The following RIF1 variants were observed in gnomAD, a reference collection of about 807,000 sequenced individuals.
RIF1 encodes telomere-associated protein RIF1.
In RIF1, 45 loss-of-function variants were observed where a neutral mutation model predicts 247.1. The observed-to-expected ratio is 0.18, with a 90% CI of 0.14 to 0.23. RIF1 has a LOEUF of 0.23. Ranked by LOEUF, RIF1 falls within the 10% of genes least tolerant of loss-of-function variation. The pLI, the probability that RIF1 is intolerant of heterozygous loss-of-function variation, is 1.00. For missense variants in RIF1, 2,967 were observed against 2,862.5 expected, an observed-to-expected ratio of 1.04 and a Z score of -0.83; for synonymous variants, 1,087 against 978.8, an observed-to-expected ratio of 1.11 and a Z score of -2.06.
chr2:151,502,075 C>G (rs2065066078), intron 11 of RIF1, among the ~76,000 whole-genome samples: 2 of 152,132 alleles, frequency 1.3e-5, no homozygotes, highest in Non-Finnish European at 2.9e-5. Flanking sequence ...CCAGTGACCT[C>G]TAATGAGATT....
the RIF1 span, among the ~76,000 whole-genome samples, chr2:151,526,471 G>A: frequency 2.2e-4 from 33 of 152,284 alleles, no homozygotes; most frequent in Non-Finnish European, 4.7e-4. Flanking sequence ...TGGATCTCGT[G>A]ATGAATCTTT....
At position 151,436,862 on chromosome 2, in the gene RIF1, C is replaced by T. The variant is rs867745840; in HGVS notation, c.1231C>T (p.Arg411Ter). 1.9e-6 allele frequency: 3 copies of T among 1,612,122 alleles called. No individual in the cohort carries two copies. Among genetic ancestry groups the T allele is most frequent in the Non-Finnish European group, 2.5e-6 (3 of 1,179,234 alleles). Reference protein sequence around the residue: ...SSPYGAPGTPRMNLSSNLGGM... With the variant: ...SSPYGAPGTP Reference sequence around the variant, plus strand: ...CCCGTACGGAGCCCCGGGAACTCCCCGAATGAACCTGAGTTCGAATTTAGG... The same window carrying T: ...CCCGTACGGAGCCCCGGGAACTCCCTGAATGAACCTGAGTTCGAATTTAGG... Residue 411 changes from arginine (R) to a stop codon, truncating the protein, a stop_gained, in exon 12 of 36, where the codon CGA (arginine) becomes TGA (stop). Coordinates refer to ENST00000444746, the MANE Select transcript of RIF1 (RefSeq NM_018151.5). LOFTEE classifies it high-confidence loss of function.
downstream of RIF1, among the ~76,000 whole-genome samples, chr2:151,482,588 C>T (rs982387331): frequency 5.3e-5 from 8 of 152,056 alleles, no homozygotes; most frequent in Non-Finnish European, 8.8e-5. Context: ...AAATGCCTCA[C>T]CCCAACATGA....
chr2:151,415,313 C>T (rs943087110), intron 4 of RIF1, among the ~76,000 whole-genome samples: 6 of 147,766 alleles, frequency 4.1e-5, no homozygotes, highest in Non-Finnish European at 4.5e-5. Context: ...TGCCATTGTA[C>T]TCTAACCTGG....
downstream of RIF1, chr2:151,486,227 TA>T (rs2050250680): frequency 3.5e-6 from 1 of 289,474 alleles, no homozygotes; most frequent in Admixed American, 4.8e-5. Flanking sequence ...GATAGACAAA[TA>T]GCCAAAAAGC....
At chr2:151,462,135 A>T in intron 27 of RIF1, 107 bp from the exon 28 acceptor site, 1 of 635,396 alleles carries the variant, frequency 1.6e-6, no homozygotes, top group East Asian at 3.2e-5. Context: ...AACCTCCCAA[A>T]GTGCTGGGAT....
At position 151,467,214 on chromosome 2, in the gene RIF1, C is replaced by T. The variant is rs141082007; in HGVS notation, c.6601-786C>T. 1.7e-3 allele frequency among the ~76,000 whole-genome samples: 256 copies of T among 151,796 alleles called. 1 individual carries two copies. The highest frequency in any genetic ancestry group is 5.9e-3 in the African/African-American group (245 of 41,418). ...ACTGCACTCCAGCCTGGCGACAGAG[C>T]GAGACTCTCAAAAAAAGAAAAAAAA... On this transcript the variant is annotated intron_variant, in intron 30 of 35. Coordinates refer to ENST00000444746, the MANE Select transcript of RIF1 (RefSeq NM_018151.5).
chr2:151,511,387 T>C (rs4384787), downstream of RIF1, among the ~76,000 whole-genome samples: 5 of 152,340 alleles, frequency 3.3e-5, no homozygotes, highest in South Asian at 8.3e-4. Context: ...TTTTACAATA[T>C]ACAACTATAT....
At chr2:151,527,393 T>C in the RIF1 span, 1 of 1,087,484 alleles carries the variant, frequency 9.2e-7, no homozygotes, top group Non-Finnish European at 1.3e-6. Flanking sequence ...GGGTTAACAC[T>C]CATGATAGTG....
At chr2:151,448,088 C>T (rs1416039372) in intron 20 of RIF1, among the ~76,000 whole-genome samples, 2 of 151,334 alleles carry the variant, frequency 1.3e-5, no homozygotes, top group East Asian at 1.9e-4. Context: ...GATTGTTGGA[C>T]GACAACCCAG....
intron 30 of RIF1, among the ~76,000 whole-genome samples, chr2:151,467,736 T>C (rs757365545): frequency 9.2e-5 from 14 of 152,180 alleles, no homozygotes; most frequent in Non-Finnish European, 1.6e-4. Flanking sequence ...ACATCTGGCT[T>C]CGTTAAGTTT....
At chr2:151,422,271 T>C (rs899462967) in intron 7 of RIF1, among the ~76,000 whole-genome samples, 1 of 152,108 alleles carries the variant, frequency 6.6e-6, no homozygotes, top group African/African-American at 2.4e-5. Flanking sequence ...TGTGAAAAAA[T>C]ACAGTGTCAT....
intron 10 of RIF1, chr2:151,499,257 A>AT: frequency 9.2e-7 from 1 of 1,088,756 alleles, no homozygotes; most frequent in Non-Finnish European, 1.3e-6. Context: ...CTTTTTAAAC[A>AT]TTTTTTTAAA....
In RIF1 at chr2:151,458,885, A is replaced by T. The variant is rs201634772; in HGVS notation, c.2930A>T (p.Glu977Val). 6.5e-5 allele frequency: 105 copies of T among 1,609,986 alleles called. No individual in the cohort carries two copies. The East Asian group carries it at 2.3e-3, about 36-fold the overall frequency. The change falls in exon 25 of 36, where the codon GAA becomes GTA. Residue 977 changes from glutamate to valine, a missense_variant. Glu to Val is a moderately radical substitution (Grantham distance 121). This residue lies in a region of RIF1 where 2,028 missense variants were observed against 1,825.6 expected (regional missense o/e 1.11). Transcript: ENST00000444746. ...TTGGAAACTGTTGAAATGATGGAGG[A>T]ATCCAGTGGACCATATTCTGATGGA... The part of the protein sequence containing the change: ...PGLETVEMME[E>V]SSGPYSDGTE...
In RIF1 at chr2:151,476,359, A is replaced by G. The variant is rs1046065525; in HGVS notation, c.*1288A>G. On this transcript the variant is annotated 3_prime_UTR_variant, in exon 36 of 36. Coordinates refer to ENST00000444746, the MANE Select transcript of RIF1 (RefSeq NM_018151.5). ...ATTAAAACCTTTGTAAAATTTGCCAACTAATATTAGTGCCTGACTTCCCAT... is the reference window on the plus strand; with the variant it reads ...ATTAAAACCTTTGTAAAATTTGCCAGCTAATATTAGTGCCTGACTTCCCAT... 1.3e-5 allele frequency: 2 copies of G among 152,164 alleles called. No individual in the cohort carries two copies. The highest frequency in any genetic ancestry group is 2.9e-5 in the Non-Finnish European group (2 of 68,010). 9.4% of individuals were successfully genotyped at this position (152,164 alleles called of 1,614,324 possible).
the RIF1 span, among the ~76,000 whole-genome samples, chr2:151,532,975 G>T: frequency 1.3e-5 from 2 of 152,028 alleles, no homozygotes; most frequent in African/African-American, 4.8e-5. Flanking sequence ...AAGTCAAGAG[G>T]CGCCATGAAT....
At chr2:151,434,437 A>ATTTTTTTTTTTTTT (rs754795986) in intron 10 of RIF1, among the ~76,000 whole-genome samples, 2 of 107,034 alleles carry the variant, frequency 1.9e-5, no homozygotes, top group Admixed American at 1.2e-4. Context: ...TGGTTTTTGA[A>ATTTTTTTTTTTTTT]TTTTTTTTTT....
At chr2:151,432,973 T>A in intron 9 of RIF1, 104 bp from the exon 10 acceptor site, 2 of 882,546 alleles carry the variant, frequency 2.3e-6, no homozygotes, top group Non-Finnish European at 3.2e-6. Context: ...AAAAAAATTT[T>A]AAAATACGTT....
chr2:151,455,712 A>G (rs1695079966), intron 22 of RIF1, among the ~76,000 whole-genome samples: 1 of 152,192 alleles, frequency 6.6e-6, no homozygotes, highest in Non-Finnish European at 1.5e-5. Flanking sequence ...GTTTTATATT[A>G]GAGTGTTGAG....
Sources: allele counts gnomAD v4.1 joint callset (sites outside exome capture counted in the v4.1 genomes callset), GRCh38; gene constraint gnomAD v4.1.1; regional missense constraint gnomAD v4.1.1; transcripts MANE v1.5; gene names NCBI Gene and HGNC (gene_info 2026-07-23, HGNC 2026-07-21).